The following KDM2A variants were observed in gnomAD, a reference collection of about 807,000 sequenced individuals.
KDM2A encodes the protein lysine demethylase 2A.
A neutral mutation model predicts 137.3 loss-of-function variants in KDM2A; 3 were observed. That is an observed-to-expected ratio of 0.02 (90% CI 0.01 to 0.06). The LOEUF is 0.06. Among genes scored for constraint, KDM2A ranks in the 10% least tolerant of loss-of-function variants. The pLI, the probability that KDM2A is intolerant of heterozygous loss-of-function variation, is 1.00. For synonymous variants in KDM2A, 512 were observed against 541.5 expected, an observed-to-expected ratio of 0.95 and a Z score of 0.76; for missense variants, 738 against 1,510.6, an observed-to-expected ratio of 0.49 and a Z score of 8.48.
At chr11:67,170,559 C>G (rs1283453552) in intron 2 of KDM2A, among the ~76,000 whole-genome samples, 1 of 151,844 alleles carries the variant, frequency 6.6e-6, no homozygotes, top group Non-Finnish European at 1.5e-5. Context: ...ACTGCAGGCA[C>G]CTGCTACCAC....
rs1318002311 is a variant in KDM2A, at chr11:67,155,933, C to T, written c.43-24146C>T. 6.2e-3 allele frequency among the ~76,000 whole-genome samples: 362 copies of T among 58,858 alleles called. 1 individual carries two copies. The highest frequency in any genetic ancestry group is 0.017 in the Admixed American group (66 of 3,812). 38.6% of individuals were successfully genotyped at this position (58,858 alleles called of 152,430 possible). On this transcript the variant is annotated intron_variant, in intron 2 of 20. Transcript: ENST00000529006. ...GCCTGGCCGGTTTTTATTTTTTAAA[C>T]GGCTAAAAAAAAAAAAAAAAAAAAT...
Position 67,235,218 on chromosome 11 carries a change from A to G in KDM2A, c.1479+3258A>G, listed in dbSNP as rs981720160. On this transcript the variant is annotated intron_variant, in intron 12 of 20. Transcript: ENST00000529006. ...AACTGGTAAAGCTATCAGCGTGTGT[A>G]TGAGGTTCTGTTTGGGAGGGGTTGT... is the stretch of plus-strand genomic sequence containing the variant. Among the ~76,000 whole-genome samples the G allele has an allele frequency of 3.3e-5, 5 of 151,168 alleles. No individual in the cohort carries two copies. In the East Asian group the frequency reaches 9.7e-4, roughly 29 times the overall value.
At chr11:67,165,499 G>T (rs1856719823) in intron 2 of KDM2A, among the ~76,000 whole-genome samples, 1 of 152,108 alleles carries the variant, frequency 6.6e-6, no homozygotes, top group African/African-American at 2.4e-5. Flanking sequence ...TAAATCTTAA[G>T]TTTGACAGTT....
At chr11:67,202,175 A>G (rs1292714675) in intron 5 of KDM2A, among the ~76,000 whole-genome samples, 1 of 152,216 alleles carries the variant, frequency 6.6e-6, no homozygotes, top group African/African-American at 2.4e-5. Context: ...GCTGCAATCT[A>G]TAATGAAACT....
intron 11 of KDM2A, among the ~76,000 whole-genome samples, chr11:67,230,175 C>T (rs1166488265): frequency 8.6e-6 from 1 of 116,472 alleles, no homozygotes; most frequent in Admixed American, 8.8e-5. Context: ...GACTCCGTCT[C>T]AAAAAAAAAA....
At chr11:67,175,278 C>T (rs553877263) in intron 2 of KDM2A, among the ~76,000 whole-genome samples, 5 of 152,268 alleles carry the variant, frequency 3.3e-5, no homozygotes, top group East Asian at 3.9e-4. Flanking sequence ...TTAAAATTCA[C>T]ACAGGCCAGG....
At chr11:67,164,517 CT>C (rs999640220) in intron 2 of KDM2A, among the ~76,000 whole-genome samples, 57 of 151,668 alleles carry the variant, frequency 3.8e-4, no homozygotes, top group African/African-American at 1.4e-3. Context: ...GGACATTGCT[CT>C]TTTACCCAGG....
intron 2 of KDM2A, among the ~76,000 whole-genome samples, chr11:67,161,508 A>G (rs963768455): frequency 1.1e-4 from 16 of 152,226 alleles, no homozygotes; most frequent in African/African-American, 3.9e-4. Flanking sequence ...TTATATTACT[A>G]CGTATTACTA....
intron 2 of KDM2A, among the ~76,000 whole-genome samples, chr11:67,139,444 C>T (rs1389573880): frequency 2.6e-5 from 4 of 152,030 alleles, no homozygotes; most frequent in South Asian, 2.1e-4. Context: ...GGGTTTTCTC[C>T]GTGTTGGCCA....
At chr11:67,218,060 A>G (rs151003407) in intron 9 of KDM2A, among the ~76,000 whole-genome samples, 176 bp downstream of exon 9, 100 of 152,292 alleles carry the variant, frequency 6.6e-4, no homozygotes, top group African/African-American at 2.3e-3. Context: ...TTCAGTTTGA[A>G]AAGGCAGTGG....
chr11:67,167,241 C>T (rs1475714253), intron 2 of KDM2A, among the ~76,000 whole-genome samples: 1 of 152,184 alleles, frequency 6.6e-6, no homozygotes, highest in Non-Finnish European at 1.5e-5. Context: ...GTTGAGATGC[C>T]TTATCCTCAT....
chr11:67,216,983 G>A (rs1452553624), intron 8 of KDM2A, among the ~76,000 whole-genome samples: 3 of 152,108 alleles, frequency 2.0e-5, no homozygotes, highest in Non-Finnish European at 4.4e-5. Flanking sequence ...AGTGGCTCAC[G>A]CCTGTAATCC....
At chr11:67,218,553 A>G (rs1755652645) in intron 9 of KDM2A, among the ~76,000 whole-genome samples, 1 of 151,728 alleles carries the variant, frequency 6.6e-6, no homozygotes, top group Non-Finnish European at 1.5e-5. Context: ...TTTTTTTTGC[A>G]ATTATTTAAG....
intron 13 of KDM2A, among the ~76,000 whole-genome samples, chr11:67,244,901 G>T (rs1257746343): frequency 6.6e-6 from 1 of 151,794 alleles, no homozygotes; most frequent in Non-Finnish European, 1.5e-5. Flanking sequence ...CAGGAGAATG[G>T]CGGGAACCCG....
chr11:67,125,189 T>C (rs1391677478), intron 2 of KDM2A, among the ~76,000 whole-genome samples: 2 of 149,728 alleles, frequency 1.3e-5, no homozygotes, highest in African/African-American at 4.9e-5. Context: ...TTTTTTTTCT[T>C]TTTTTTTTAT....
chr11:67,215,803 C>A, intron 7 of KDM2A, 53 bp from the exon 8 acceptor site: 1 of 1,321,502 alleles, frequency 7.6e-7, no homozygotes, highest in Non-Finnish European at 1.1e-6. Flanking sequence ...TTTGGTGGGG[C>A]AGATGTACTT....
intron 17 of KDM2A, among the ~76,000 whole-genome samples, chr11:67,251,924 G>C (rs1859440573): frequency 6.6e-6 from 1 of 152,160 alleles, no homozygotes; most frequent in Non-Finnish European, 1.5e-5. Context: ...TTGGTTTTCA[G>C]GGCAAGGCAC....
intron 5 of KDM2A, among the ~76,000 whole-genome samples, chr11:67,192,436 T>C (rs1277892199): frequency 8.3e-6 from 1 of 119,824 alleles, no homozygotes; most frequent in Non-Finnish European, 1.7e-5. Context: ...TCCATTTCTT[T>C]TTTTTTTTTT....
rs1156333048 is a variant in KDM2A, at chr11:67,247,071, ATTTTTT to A, written c.1965+984_1965+989del. Among the ~76,000 whole-genome samples the A allele has an allele frequency of 6.4e-3, 108 of 16,784 alleles. 1 individual carries two copies. Among genetic ancestry groups the A allele is most frequent in the African/African-American group, 0.018 (90 of 5,012 alleles). 11.0% of individuals were successfully genotyped at this position (16,784 alleles called of 152,430 possible). ...TATATATATATATATATATATATAT[ATTTTTT>A]TTTTTTTTTTTTTTTTTTTTTTTTT... On this transcript the variant is annotated intron_variant, in intron 15 of 20. Transcript: ENST00000529006.
Sources: gnomAD v4.1 joint callset for allele counts (sites outside exome capture counted in the v4.1 genomes callset) on GRCh38, gnomAD v4.1.1 for gene constraint, MANE v1.5 for transcripts, NCBI Gene and HGNC (gene_info 2026-07-23, HGNC 2026-07-21) for gene names.